The following ICA1 variants were observed in gnomAD, a reference collection of about 807,000 sequenced individuals.
ICA1 encodes islet cell autoantigen 1, also known as 69 kDa islet cell autoantigen.
ICA1 carries 40 observed loss-of-function variants against 71.0 expected under a neutral mutation model. That is an observed-to-expected ratio of 0.56 (90% CI 0.44 to 0.73). The LOEUF (loss-of-function observed/expected upper bound fraction) is 0.73. Ranked by LOEUF, ICA1 falls within the 30% of genes least tolerant of loss-of-function variation. The pLI is 0.00. For synonymous variants in ICA1, 207 were observed against 209.5 expected, an observed-to-expected ratio of 0.99 and a Z score of 0.10; for missense variants, 578 against 576.5, an observed-to-expected ratio of 1.00 and a Z score of -0.03.
intron 6 of ICA1, among the ~76,000 whole-genome samples, chr7:8,212,750 C>A (rs1794215685): frequency 6.6e-6 from 1 of 152,190 alleles, no homozygotes; most frequent in Non-Finnish European, 1.5e-5. Context: ...CTCCTTCCTC[C>A]TCTCCATTTC....
At chr7:8,237,573 A>T (rs574050683) in intron 1 of ICA1, among the ~76,000 whole-genome samples, 1 of 152,108 alleles carries the variant, frequency 6.6e-6, no homozygotes, top group African/African-American at 2.4e-5. Context: ...GAAATTCTAC[A>T]CCCATTGAAC....
In ICA1 at chr7:8,222,637, C is replaced by T. The variant is rs911934998; in HGVS notation, c.257-1239G>A. Among the ~76,000 whole-genome samples the T allele has an allele frequency of 2.0e-5, 3 of 152,282 alleles. No homozygotes were observed. The highest frequency in any genetic ancestry group is 4.2e-4 in the South Asian group (2 of 4,818). ...TTATTAATTTGTGACTATAGTTTCA[C>T]CCTAAACATTCCCTTGGGAAGGCCC... is the stretch of plus-strand genomic sequence containing the variant. On this transcript the variant is annotated intron_variant, in intron 4 of 13. Coordinates refer to ENST00000402384, the MANE Select transcript of ICA1 (RefSeq NM_001136020.3). This position sits in a 1 kb window ranked among gnomAD's most constrained non-coding sequence, Gnocchi z 4.8.
At chr7:8,199,033 T>C (rs569820384) in intron 6 of ICA1, among the ~76,000 whole-genome samples, 11 of 152,222 alleles carry the variant, frequency 7.2e-5, no homozygotes, top group African/African-American at 2.2e-4. Context: ...CAAATCAAAA[T>C]GACAATGAAA....
intron 7 of ICA1, 137 bp from the exon 8 acceptor site, chr7:8,157,351 G>T: frequency 3.5e-6 from 3 of 868,140 alleles, no homozygotes; most frequent in East Asian, 5.4e-5. Context: ...TTCCCATTAT[G>T]CCCCCAATTA....
chr7:8,197,343 A>G (rs1787996094), intron 6 of ICA1, among the ~76,000 whole-genome samples: 1 of 151,686 alleles, frequency 6.6e-6, no homozygotes, highest in Non-Finnish European at 1.5e-5. Flanking sequence ...TCACAAGGTC[A>G]GGACTTCAAG....
chr7:8,247,796 G>C (rs1806613810), intron 1 of ICA1, among the ~76,000 whole-genome samples: 1 of 152,192 alleles, frequency 6.6e-6, no homozygotes, highest in Non-Finnish European at 1.5e-5. Flanking sequence ...AGTGAAGTTA[G>C]CTGATGGCAC....
intron 6 of ICA1, among the ~76,000 whole-genome samples, chr7:8,183,011 C>T (rs576677080): frequency 1.3e-5 from 2 of 152,308 alleles, no homozygotes; most frequent in East Asian, 1.9e-4. Context: ...TTTTCCACAA[C>T]ACAATGGTGA....
intron 6 of ICA1, among the ~76,000 whole-genome samples, chr7:8,164,619 C>T (rs182837206): frequency 2.6e-5 from 4 of 152,324 alleles, no homozygotes; most frequent in Admixed American, 2.6e-4. Context: ...AGCTCTAATA[C>T]TCCTCCGTCA....
chr7:8,191,679 T>C (rs1785694636), intron 6 of ICA1, among the ~76,000 whole-genome samples: 1 of 152,088 alleles, frequency 6.6e-6, no homozygotes, highest in Admixed American at 6.6e-5. Flanking sequence ...TCTGTATATA[T>C]GTGTTATATA....
chr7:8,245,899 T>C (rs933319891), intron 1 of ICA1, among the ~76,000 whole-genome samples: 5 of 152,162 alleles, frequency 3.3e-5, no homozygotes, highest in South Asian at 2.1e-4. Context: ...GCCTTGACAT[T>C]TGCAAGGGAC....
chr7:8,164,486 T>C (rs1337400712), intron 6 of ICA1, among the ~76,000 whole-genome samples: 1 of 152,078 alleles, frequency 6.6e-6, no homozygotes, highest in African/African-American at 2.4e-5. Context: ...GACTCCTCTG[T>C]ACCTGACTAC....
In ICA1 at chr7:8,144,055, A is replaced by G. The variant is rs1796118041; in HGVS notation, c.805-83T>C. On this transcript the variant is annotated intron_variant, in intron 8 of 13. Coordinates refer to ENST00000402384, the MANE Select transcript of ICA1 (RefSeq NM_001136020.3). The surrounding 1 kb of genome is among the most constrained non-coding windows in gnomAD (Gnocchi z 4.5). ...AAAAAAAAGAAAAGAAAGGTTATCA[A>G]TTAAAAAATTCAACTGCCATTTGTC... The G allele has an allele frequency of 2.4e-6, 2 of 827,900 alleles. No individual in the cohort carries two copies. Among genetic ancestry groups the G allele is most frequent in the South Asian group, 3.4e-5 (2 of 58,940 alleles). The allele number at this position is 827,900 out of a possible 1,614,324, so 51.3% of individuals were successfully genotyped here. A position where few individuals can be genotyped will look rare whatever the true frequency, so the allele number is the denominator to read the frequency against.
chr7:8,248,926 T>C (rs1430976052), intron 1 of ICA1, among the ~76,000 whole-genome samples: 2 of 152,230 alleles, frequency 1.3e-5, no homozygotes, highest in Non-Finnish European at 2.9e-5. Flanking sequence ...GTCACTACCT[T>C]GTCAACTGTC....
At chr7:8,179,754 C>A (rs1033215919) in intron 6 of ICA1, among the ~76,000 whole-genome samples, 5 of 151,494 alleles carry the variant, frequency 3.3e-5, no homozygotes, top group African/African-American at 9.7e-5. Context: ...GAAGGGAGAA[C>A]TTTTTTTTTT....
chr7:8,197,409 C>T (rs537391480), intron 6 of ICA1, among the ~76,000 whole-genome samples: 51 of 151,282 alleles, frequency 3.4e-4, no homozygotes, highest in African/African-American at 1.2e-3. Flanking sequence ...AAAAATTAGC[C>T]GGGCATGGCG....
chr7:8,210,945 T>C (rs1358331667), intron 6 of ICA1, among the ~76,000 whole-genome samples: 2 of 92,710 alleles, frequency 2.2e-5, no homozygotes, highest in Non-Finnish European at 5.0e-5. Flanking sequence ...AGGCAGCTAA[T>C]CCTGGGTTGG....
rs781206035 is a variant in ICA1, at chr7:8,221,241, C to A, written c.380+34G>T. Reference sequence around the variant, plus strand: ...GGTGGGTCCCGGAGTCTCCTCAGATCCCCCCAGATAGAACCCCACTAAAGG... The same window carrying A: ...GGTGGGTCCCGGAGTCTCCTCAGATACCCCCAGATAGAACCCCACTAAAGG... On this transcript the variant is annotated intron_variant, in intron 5 of 13. Coordinates refer to ENST00000402384, the MANE Select transcript of ICA1 (RefSeq NM_001136020.3). 3 of 1,610,856 alleles carry A rather than the reference C, an allele frequency of 1.9e-6. No individual in the cohort carries two copies. In the African/African-American group the frequency reaches 4.0e-5, roughly 22 times the overall value.
At chr7:8,191,875 A>G (rs1785759265) in intron 6 of ICA1, among the ~76,000 whole-genome samples, 1 of 152,174 alleles carries the variant, frequency 6.6e-6, no homozygotes, top group African/African-American at 2.4e-5. Context: ...GACACTAAAC[A>G]TAATTCCAGA....
intron 8 of ICA1, among the ~76,000 whole-genome samples, chr7:8,154,752 G>A (rs1456024954): frequency 6.6e-6 from 1 of 152,088 alleles, no homozygotes; most frequent in African/African-American, 2.4e-5. Context: ...TAAAAATACT[G>A]GTGCAAGAGG....
Sources: gnomAD v4.1 joint callset for allele counts (sites outside exome capture counted in the v4.1 genomes callset) on GRCh38, gnomAD v4.1.1 for gene constraint, Gnocchi (gnomAD v3.1) non-coding constraint, MANE v1.5 for transcripts, NCBI Gene and HGNC (gene_info 2026-07-23, HGNC 2026-07-21) for gene names.